LPXN: variants seen among roughly 807,000 people sequenced by gnomAD.
LPXN encodes leupaxin.
In LPXN, 28 loss-of-function variants were observed where a neutral mutation model predicts 45.6. The ratio of observed to expected loss-of-function variants is 0.61; its 90% confidence interval spans 0.45 to 0.84. The LOEUF is 0.84. LPXN is among the 40% of genes least tolerant of loss of function. The pLI is 0.00. For missense variants in LPXN, 459 were observed against 475.0 expected (o/e 0.97, Z 0.31); for synonymous variants, 166 against 169.9 (o/e 0.98, Z 0.18).
At position 58,564,179 on chromosome 11, in the gene LPXN, TTGG is replaced by T; in HGVS notation, c.191_193del (p.Thr64del). 3 of 1,603,600 alleles carry T rather than the reference TTGG, an allele frequency of 1.9e-6. No individual in the cohort carries two copies. In the South Asian group the frequency reaches 3.4e-5, roughly 18 times the overall value. ...CCTGTAGACATTGAGCTCCTGGATA[TTGG>T]TAGTATACACGAGCTGCGCCTAAGA... On this transcript the variant is annotated inframe_deletion, in exon 3 of 9. Coordinates refer to ENST00000395074, the MANE Select transcript of LPXN (RefSeq NM_004811.3).
chr11:58,532,289 G>A (rs539035212), intron 7 of LPXN, among the ~76,000 whole-genome samples: 15 of 152,330 alleles, frequency 9.8e-5, no homozygotes, highest in African/African-American at 2.2e-4. Flanking sequence ...GCTCCGAGGC[G>A]CCCAGTCCCA....
upstream of LPXN, among the ~76,000 whole-genome samples, chr11:58,576,197 A>G (rs569096199): frequency 1.3e-5 from 2 of 151,512 alleles, no homozygotes; most frequent in South Asian, 4.2e-4. Context: ...TTTTCTGTGA[A>G]GCTGGGAGAC....
chr11:58,534,669 G>A (rs988628009), intron 7 of LPXN, among the ~76,000 whole-genome samples: 1 of 152,054 alleles, frequency 6.6e-6, no homozygotes, highest in Non-Finnish European at 1.5e-5. Context: ...AAATAACTAA[G>A]ATCAGAGCAG....
chr11:58,531,208 G>A lies in LPXN; in HGVS notation c.743-3017C>T, dbSNP rs560834010. On this transcript the variant is annotated intron_variant, in intron 7 of 8. Coordinates refer to ENST00000395074, the MANE Select transcript of LPXN (RefSeq NM_004811.3). ...AAACTGGATGAAGAATGAGTCTGAC[G>A]AACTGATAGAAGTAGGCTTCAGAAG... 2.6e-5 allele frequency among the ~76,000 whole-genome samples: 4 copies of A among 152,160 alleles called. No individual in the cohort carries two copies. In the South Asian group the frequency reaches 6.2e-4, roughly 24 times the overall value.
At chr11:58,551,973 G>A (rs1438253558) in intron 4 of LPXN, among the ~76,000 whole-genome samples, 1 of 152,188 alleles carries the variant, frequency 6.6e-6, no homozygotes, top group African/African-American at 2.4e-5. Context: ...AGAGCAGAGG[G>A]AGTGAGATTG....
intron 3 of LPXN, among the ~76,000 whole-genome samples, chr11:58,557,908 C>T (rs916908043): frequency 1.3e-5 from 2 of 152,008 alleles, no homozygotes. Flanking sequence ...TTCCCCTAAA[C>T]TGTAAATTCA....
In LPXN at chr11:58,563,917, G is replaced by T. The variant is rs554909987; in HGVS notation, c.218+238C>A. Among the ~76,000 whole-genome samples the T allele has an allele frequency of 2.4e-4, 36 of 152,264 alleles. 1 individual carries two copies. The highest frequency in any genetic ancestry group is 2.2e-3 in the Admixed American group (33 of 15,290). ...GGGAGTATTTACACTTCTTTAGGTG[G>T]TAATGGACATAGCAGGGCCCACTAG... On this transcript the variant is annotated intron_variant, in intron 3 of 8. Coordinates refer to ENST00000395074, the MANE Select transcript of LPXN (RefSeq NM_004811.3).
intron 4 of LPXN, among the ~76,000 whole-genome samples, chr11:58,554,602 C>A (rs538115595): frequency 1.3e-5 from 2 of 152,250 alleles, no homozygotes; most frequent in Admixed American, 1.3e-4. Flanking sequence ...CACTCCAGCT[C>A]CTTGAGATCA....
chr11:58,572,183 A>G (rs1854725912), intron 1 of LPXN, among the ~76,000 whole-genome samples: 1 of 152,176 alleles, frequency 6.6e-6, no homozygotes, highest in South Asian at 2.1e-4. Flanking sequence ...GTTCTCAGAT[A>G]AGGAAAATAA....
chr11:58,549,701 A>C, intron 7 of LPXN, 85 bp downstream of exon 7: 1 of 1,095,626 alleles, frequency 9.1e-7, no homozygotes, highest in South Asian at 1.3e-5. Flanking sequence ...AGGAACCAGG[A>C]CTCCCGTGAC....
At chr11:58,575,649 TA>T in intron 1 of LPXN, 110 bp downstream of exon 1, 1 of 1,227,942 alleles carries the variant, frequency 8.1e-7, no homozygotes, top group Non-Finnish European at 1.2e-6. Context: ...GAAGTGAAAA[TA>T]AAATCTTCCA....
chr11:58,575,133 G>C (rs1245841304), intron 1 of LPXN, among the ~76,000 whole-genome samples: 1 of 152,154 alleles, frequency 6.6e-6, no homozygotes, highest in Non-Finnish European at 1.5e-5. Context: ...GGTTTTAATT[G>C]TCTTAGAGTG....
upstream of LPXN, among the ~76,000 whole-genome samples, chr11:58,577,734 AAG>A (rs2134375745): frequency 6.6e-6 from 1 of 152,104 alleles, no homozygotes; most frequent in East Asian, 1.9e-4. Context: ...CGCAGAGCTT[AAG>A]AGACCCTTCA....
At chr11:58,547,030 G>T (rs1853894924) in intron 7 of LPXN, among the ~76,000 whole-genome samples, 3 of 152,060 alleles carry the variant, frequency 2.0e-5, no homozygotes, top group South Asian at 4.2e-4. Flanking sequence ...TCACTGGGAC[G>T]ACTCAGAGAG....
intron 4 of LPXN, among the ~76,000 whole-genome samples, chr11:58,553,055 G>A: frequency 6.6e-6 from 1 of 152,092 alleles, no homozygotes; most frequent in East Asian, 1.9e-4. Flanking sequence ...GATAAATGGG[G>A]CCGGGCACAG....
chr11:58,559,098 C>G (rs370623255), intron 3 of LPXN, among the ~76,000 whole-genome samples: 2 of 151,914 alleles, frequency 1.3e-5, no homozygotes, highest in Non-Finnish European at 2.9e-5. Context: ...TAAAAATACC[C>G]TCAACCTCAT....
Position 58,528,180 on chromosome 11 carries a change from T to C in LPXN, c.754A>G (p.Lys252Glu). Residue 252 changes from lysine (K) to glutamate (E), a missense_variant, in exon 8 of 9, where the codon AAG (lysine) becomes GAG (glutamate). Lys to Glu is a moderately conservative substitution (Grantham distance 56, BLOSUM62 1). Transcript: ENST00000395074. ...EVFGAEGFHE[K>E]DKKPYCRKDF... ...TTTCGGCAATATGGCTTCTTGTCCT[T>C]CTCATGAAAGCCTGGAGAGATAAAA... The C allele has an allele frequency of 6.2e-7, 1 of 1,614,156 alleles. No homozygotes were observed.
intron 4 of LPXN, among the ~76,000 whole-genome samples, chr11:58,551,647 C>G (rs1854054474): frequency 6.6e-6 from 1 of 152,078 alleles, no homozygotes; most frequent in African/African-American, 2.4e-5. Context: ...TAAGACAGAC[C>G]AAGTGTCTGG....
At chr11:58,564,077 AT>A (rs1854457265) in intron 3 of LPXN, 77 bp downstream of exon 3, 1 of 906,536 alleles carries the variant, frequency 1.1e-6, no homozygotes, top group Non-Finnish European at 1.8e-6. Flanking sequence ...TGCAAAGCAA[AT>A]TATCACCCAA....
Sources: gnomAD v4.1 joint callset for allele counts (sites outside exome capture counted in the v4.1 genomes callset) on GRCh38, gnomAD v4.1.1 for gene constraint, MANE v1.5 for transcripts, NCBI Gene and HGNC (gene_info 2026-07-23, HGNC 2026-07-21) for gene names.